The following RASGEF1C variants were observed in gnomAD, a reference collection of about 807,000 sequenced individuals.
The protein encoded by RASGEF1C is RasGEF domain family member 1C.
Under a neutral mutation model 58.1 loss-of-function variants are expected in RASGEF1C, and 27 were observed. The observed-to-expected ratio is 0.46, with a 90% CI of 0.34 to 0.64. The LOEUF is 0.64. Ranked by LOEUF, RASGEF1C falls within the 30% of genes least tolerant of loss-of-function variation. The probability of loss-of-function intolerance (pLI) is 0.01; values close to 1 mark genes in which losing one functional copy is unlikely to be tolerated. For synonymous variants in RASGEF1C, 243 were observed against 246.3 expected, an observed-to-expected ratio of 0.99 and a Z score of 0.13; for missense variants, 502 against 605.1, an observed-to-expected ratio of 0.83 and a Z score of 1.79.
At chr5:180,131,898 G>A (rs1010396499) in intron 4 of RASGEF1C, among the ~76,000 whole-genome samples, 17 of 152,160 alleles carry the variant, frequency 1.1e-4, no homozygotes, top group Admixed American at 5.9e-4. Context: ...AATTTATTTC[G>A]ATTTTTCCAG....
intron 4 of RASGEF1C, among the ~76,000 whole-genome samples, chr5:180,130,126 C>T (rs1766339478): frequency 6.6e-6 from 1 of 152,152 alleles, no homozygotes; most frequent in South Asian, 2.1e-4. Context: ...CCCTGTGGAG[C>T]TGTTATTCTA....
intron 10 of RASGEF1C, chr5:180,115,307 A>AT (rs760431186): frequency 4.6e-6 from 2 of 435,886 alleles, no homozygotes; most frequent in South Asian, 1.6e-5. Flanking sequence ...AAAAAAAAAA[A>AT]TTTAACAATT....
intron 11 of RASGEF1C, among the ~76,000 whole-genome samples, chr5:180,112,908 TGGATGGACAGAGGGATCCG>T (rs1765983187): frequency 1.1e-4 from 5 of 46,400 alleles, no homozygotes; most frequent in South Asian, 1.5e-3. Flanking sequence ...GGAGGGACCG[TGGATGGACAGAGGGATCCG>T]GGATGGACGG....
chr5:180,173,687 G>T (rs1442420662), intron 1 of RASGEF1C, among the ~76,000 whole-genome samples: 2 of 152,088 alleles, frequency 1.3e-5, no homozygotes, highest in Non-Finnish European at 2.9e-5. Flanking sequence ...GGCCAAGGTG[G>T]GCAGATCACA....
chr5:180,189,628 C>T (rs944870725), intron 1 of RASGEF1C, among the ~76,000 whole-genome samples: 3 of 152,148 alleles, frequency 2.0e-5, no homozygotes, highest in African/African-American at 4.8e-5. Flanking sequence ...GTTATTTCGG[C>T]CGTGCCTGGT....
chr5:180,102,142 A>T lies in RASGEF1C; in HGVS notation c.1305T>A (p.Gly435=), dbSNP rs1299696438. ...LYTAPIFSED[G]LYLASYESES... The stretch of plus-strand genomic sequence containing the variant: ...CACTTTCGTAAGAAGCCAAATAAAG[A>T]CCTAGACAGAAAATGAAGTGAAATT... The change falls in exon 13 of 14, where the codon GGT becomes GGA. Residue 435 remains glycine, a splice_region_variant and synonymous_variant. Coordinates refer to ENST00000361132, the MANE Select transcript of RASGEF1C (RefSeq NM_175062.4). 6.4e-7 allele frequency: 1 copy of T among 1,552,008 alleles called. No individual in the cohort carries two copies. Among genetic ancestry groups the T allele is most frequent in the Admixed American group, 1.7e-5 (1 of 59,830 alleles).
rs1766304351 is a variant in RASGEF1C, at chr5:180,128,502, T to C, written c.547A>G (p.Arg183Gly). 1.2e-6 allele frequency: 2 copies of C among 1,614,144 alleles called. No individual in the cohort carries two copies. The highest frequency in any genetic ancestry group is 1.7e-4 in the Middle Eastern group (1 of 6,034). The change falls in exon 5 of 14, where the codon AGG becomes GGG. Residue 183 changes from arginine to glycine, a missense_variant. Coordinates refer to ENST00000361132, the MANE Select transcript of RASGEF1C (RefSeq NM_175062.4). Reference protein sequence around the residue: ...LVGADKPISYRTKPPASIHRE... With the variant: ...LVGADKPISYGTKPPASIHRE... ...TGGATGGAGGCTGGTGGCTTGGTCC[T>C]GTAGGAGATGGGCTTGTCGGCACCC...
chr5:180,125,493 G>A (rs183179429), intron 6 of RASGEF1C, among the ~76,000 whole-genome samples: 2 of 152,316 alleles, frequency 1.3e-5, no homozygotes, highest in Admixed American at 1.3e-4. Flanking sequence ...AGCACAATAA[G>A]TTAGTCAGGC....
intron 1 of RASGEF1C, among the ~76,000 whole-genome samples, chr5:180,194,481 A>T (rs1213008969): frequency 6.6e-6 from 1 of 152,216 alleles, no homozygotes; most frequent in Non-Finnish European, 1.5e-5. Flanking sequence ...TGCAGAGGCC[A>T]CGGGGTCTAC....
At chr5:180,169,954 G>T (rs776419222) in intron 1 of RASGEF1C, among the ~76,000 whole-genome samples, 3 of 152,082 alleles carry the variant, frequency 2.0e-5, no homozygotes, top group African/African-American at 7.2e-5. Context: ...CCCCTCCCTC[G>T]GAGACCTTCC....
chr5:180,127,814 G>A (rs1215153230), intron 5 of RASGEF1C, 131 bp from the exon 6 acceptor site: 4 of 776,310 alleles, frequency 5.2e-6, no homozygotes, highest in Admixed American at 6.4e-5. Context: ...CCTCCCCACT[G>A]GGGCTTGGAG....
At chr5:180,176,773 G>A (rs772366148) in intron 1 of RASGEF1C, among the ~76,000 whole-genome samples, 5 of 152,106 alleles carry the variant, frequency 3.3e-5, no homozygotes, top group African/African-American at 1.2e-4. Flanking sequence ...GGCCAGGATG[G>A]TCTCGATCTC....
intron 1 of RASGEF1C, among the ~76,000 whole-genome samples, chr5:180,176,637 A>C (rs1767229584): frequency 6.6e-6 from 1 of 151,634 alleles, no homozygotes; most frequent in South Asian, 2.1e-4. Context: ...GCTCACTGCA[A>C]GCTCCGCCTC....
rs1162886907 is a variant in RASGEF1C at position 180,177,467 on chromosome 5, C to A, written c.-7+31561G>T. On this transcript the variant is annotated intron_variant, in intron 1 of 13. Coordinates refer to ENST00000361132, the MANE Select transcript of RASGEF1C (RefSeq NM_175062.4). The surrounding 1 kb of genome is among the most constrained non-coding windows in gnomAD (Gnocchi z 5.0). ...AGCAGTCCACGGGCAGGGCAGAGCC[C>A]CGGGCTTCCTTCCGGGACCCCTGCC... 6.6e-6 allele frequency among the ~76,000 whole-genome samples: 1 copy of A among 152,248 alleles called. No individual in the cohort carries two copies. Among genetic ancestry groups the A allele is most frequent in the Non-Finnish European group, 1.5e-5 (1 of 68,050 alleles).
intron 12 of RASGEF1C, 87 bp from the exon 13 acceptor site, chr5:180,102,230 C>T: frequency 1.3e-6 from 1 of 784,272 alleles, no homozygotes; most frequent in East Asian, 2.5e-5. Context: ...GGGTCTCTTT[C>T]TGGGTTCTCT....
At chr5:180,174,469 TGTATGTGTGTCTGTGTGTGCGC>T (rs1327543957) in intron 1 of RASGEF1C, among the ~76,000 whole-genome samples, 54 of 113,388 alleles carry the variant, frequency 4.8e-4, no homozygotes, top group African/African-American at 1.8e-3. Context: ...CATGTCTGTG[TGTATGTGTGTCTGTGTGTGCGC>T]GTGTGTGTCT....
chr5:180,115,445 G>A (rs780187541), intron 10 of RASGEF1C: 10 of 324,760 alleles, frequency 3.1e-5, no homozygotes, highest in African/African-American at 1.3e-4. Flanking sequence ...GAAGGGCTGC[G>A]GGCTGCGTGC....
At position 180,121,145 on chromosome 5, in the gene RASGEF1C, C is replaced by G. The variant is rs1475517435; in HGVS notation, c.719G>C (p.Cys240Ser). The G allele has an allele frequency of 1.2e-6, 2 of 1,613,222 alleles. No homozygotes were observed. ...NKDPLASTKPCFSDKTSNLEA... is the reference protein window; with the variant it reads ...NKDPLASTKPSFSDKTSNLEA... ...CAGGTTGCTGGTCTTGTCACTGAAGCAGGGCTAGAACAAACACAGCACACG... is the reference window on the plus strand; with the variant it reads ...CAGGTTGCTGGTCTTGTCACTGAAGGAGGGCTAGAACAAACACAGCACACG... The change falls in exon 7 of 14, where the codon TGC (cysteine) becomes TCC (serine). Residue 240 changes from cysteine (C) to serine (S), a missense_variant. Transcript: ENST00000361132.
At chr5:180,144,126 G>A (rs1331457041) in intron 1 of RASGEF1C, among the ~76,000 whole-genome samples, 3 of 152,176 alleles carry the variant, frequency 2.0e-5, no homozygotes, top group Non-Finnish European at 4.4e-5. Flanking sequence ...CGGGGAGCTC[G>A]CCACCTGCTA....
Sources: allele counts gnomAD v4.1 joint callset (sites outside exome capture counted in the v4.1 genomes callset), GRCh38; gene constraint gnomAD v4.1.1; non-coding constraint Gnocchi (gnomAD v3.1); transcripts MANE v1.5; gene names NCBI Gene and HGNC (gene_info 2026-07-23, HGNC 2026-07-21).